Variants in ELOVL3 observed in about 807,000 individuals in gnomAD.
ELOVL3 encodes very long chain fatty acid elongase 3.
ELOVL3 carries 11 observed loss-of-function variants against 14.9 expected under a neutral mutation model. That is an observed-to-expected ratio of 0.74 (90% CI 0.46 to 1.22). The LOEUF (loss-of-function observed/expected upper bound fraction) is 1.22. Ranked by LOEUF, ELOVL3 falls within the 50% of genes most tolerant of loss-of-function variation. ELOVL3 has a pLI of 0.00. For missense variants in ELOVL3, 277 were observed against 338.9 expected (o/e 0.82, Z 1.43); for synonymous variants, 117 against 124.7 (o/e 0.94, Z 0.41).
rs2070147437 is a variant in ELOVL3, at chr10:102,227,491, G to T, written c.102-135G>T. Reference sequence around the variant, plus strand: ...AGCCAAGGCTCAGAGAATTAAGTTGGTTTTTCCAATGTCACATAGCTAGTA... The same window carrying T: ...AGCCAAGGCTCAGAGAATTAAGTTGTTTTTTCCAATGTCACATAGCTAGTA... On this transcript the variant is annotated intron_variant, in intron 1 of 3. Transcript: ENST00000370005. 2.2e-5 allele frequency: 23 copies of T among 1,022,534 alleles called. No homozygotes were observed. In the South Asian group the frequency reaches 3.4e-4, roughly 15 times the overall value. The allele number at this position is 1,022,534 out of a possible 1,614,324, so 63.3% of individuals were successfully genotyped here. A position where few individuals can be genotyped will look rare whatever the true frequency, so the allele number is the denominator to read the frequency against.
chr10:102,229,202 T>C lies in ELOVL3; in HGVS notation c.763T>C (p.Cys255Arg), dbSNP rs2133792296. The C allele has an allele frequency of 6.2e-7, 1 of 1,613,994 alleles. No homozygotes were observed. The highest frequency in any genetic ancestry group is 1.3e-5 in the African/African-American group (1 of 75,046). The part of the protein sequence containing the change: ...TYFILFAHFF[C>R]QTYIRPKVKA... Reference sequence around the variant, plus strand: ...TTTCATCCTCTTTGCCCACTTCTTCTGCCAGACCTACATCAGGCCCAAGGT... The same window carrying C: ...TTTCATCCTCTTTGCCCACTTCTTCCGCCAGACCTACATCAGGCCCAAGGT... Residue 255 changes from cysteine to arginine, a missense_variant, in exon 4 of 4, where the codon TGC (cysteine) becomes CGC (arginine). Transcript: ENST00000370005.
Position 102,227,719 on chromosome 10 carries a change from G to A in ELOVL3, c.195G>A (p.Gly65=), listed in dbSNP as rs1263020005. ...AACGCAAGGGCTTCAACCTGCAAGG[G>A]CCTCTCATCCTCTGGTCCTTCTGCC... ...MKERKGFNLQ[G]PLILWSFCLA... Residue 65 remains glycine, a synonymous_variant, in exon 2 of 4, where the codon GGG becomes GGA. Transcript: ENST00000370005. 1 of 1,613,726 alleles carries A rather than the reference G, an allele frequency of 6.2e-7. No individual in the cohort carries two copies. Among genetic ancestry groups the A allele is most frequent in the Non-Finnish European group, 8.5e-7 (1 of 1,179,896 alleles).
At chr10:102,227,502 G>A in intron 1 of ELOVL3, 124 bp from the exon 2 acceptor site, 2 of 1,134,132 alleles carry the variant, frequency 1.8e-6, no homozygotes, top group Non-Finnish European at 1.3e-6. Context: ...TTTTTCCAAT[G>A]TCACATAGCT....
rs139119395 is a variant in ELOVL3, at chr10:102,229,171, G to T, written c.732G>T (p.Met244Ile). The change falls in exon 4 of 4, where the codon ATG becomes ATT. Residue 244 changes from methionine to isoleucine, a missense_variant. Physicochemically the swap from Met to Ile is conservative, Grantham distance 10. Coordinates refer to ENST00000370005, the MANE Select transcript of ELOVL3 (RefSeq NM_152310.3). ...EHLFWSFILY[M>I]TYFILFAHFF... ...TATTCTGGTCCTTCATCTTGTATATGACCTATTTCATCCTCTTTGCCCACT... is the reference window on the plus strand; with the variant it reads ...TATTCTGGTCCTTCATCTTGTATATTACCTATTTCATCCTCTTTGCCCACT... The T allele has an allele frequency of 1.2e-6, 2 of 1,614,058 alleles. No individual in the cohort carries two copies. The highest frequency in any genetic ancestry group is 1.1e-5 in the South Asian group (1 of 91,068).
chr10:102,229,509 C>T lies in ELOVL3; in HGVS notation c.*257C>T, dbSNP rs1169721676. On this transcript the variant is annotated 3_prime_UTR_variant, in exon 4 of 4. Coordinates refer to ENST00000370005, the MANE Select transcript of ELOVL3 (RefSeq NM_152310.3). ...GATGGGAGTGGGGCGGAGGAGGGTC[C>T]TAAGAGCTGATTATTTAATTTCTAT... is the stretch of plus-strand genomic sequence containing the variant. 3 of 388,680 alleles carry T rather than the reference C, an allele frequency of 7.7e-6. No homozygotes were observed. Among genetic ancestry groups the T allele is most frequent in the Non-Finnish European group, 1.4e-5 (3 of 215,472 alleles). 24.1% of individuals were successfully genotyped at this position (388,680 alleles called of 1,614,324 possible).
Position 102,226,401 on chromosome 10 carries a change from G to A in ELOVL3, c.-148G>A. The A allele has an allele frequency of 3.3e-6, 2 of 601,474 alleles. No individual in the cohort carries two copies. The highest frequency in any genetic ancestry group is 5.9e-6 in the Non-Finnish European group (2 of 339,076). 37.3% of individuals were successfully genotyped at this position (601,474 alleles called of 1,614,324 possible). On this transcript the variant is annotated 5_prime_UTR_variant, in exon 1 of 4. The change abolishes an upstream ATG in the 5' untranslated region. Transcript: ENST00000370005. ...TAGCTGGCTGCGCCGCCGCGCACAT[G>A]CCTAGGTTCGACGCCCTCCTCCCTT...
Position 102,228,513 on chromosome 10 carries a change from T to C in ELOVL3, c.330T>C (p.Asn110=), listed in dbSNP as rs2070159571. The change falls in exon 3 of 4, where the codon AAT becomes AAC. Residue 110 remains asparagine (N), a synonymous_variant. Coordinates refer to ENST00000370005, the MANE Select transcript of ELOVL3 (RefSeq NM_152310.3). ...QTVCFINFID[N]STVKFWSWVF... ...TGTGCTTCATCAACTTCATCGATAA[T>C]TCCACAGTCAAATTCTGGTCCTGGG... is the stretch of plus-strand genomic sequence containing the variant. The C allele has an allele frequency of 6.2e-7, 1 of 1,614,026 alleles. No homozygotes were observed. The highest frequency in any genetic ancestry group is 1.3e-5 in the African/African-American group (1 of 74,898).
intron 2 of ELOVL3, among the ~76,000 whole-genome samples, 155 bp from the exon 3 acceptor site, chr10:102,228,262 T>G (rs1176026925): frequency 6.6e-6 from 1 of 152,176 alleles, no homozygotes; most frequent in Non-Finnish European, 1.5e-5. Context: ...ATCTACCAGA[T>G]TGGCTTCAGG....
chr10:102,226,662 G>C lies in ELOVL3; in HGVS notation c.101+13G>C. ...TCGAGGAGTATTGGTGAGACTTTGG[G>C]AGAGGGAAAGGCCATGCCAGGGCCC... is the stretch of plus-strand genomic sequence containing the variant. On this transcript the variant is annotated intron_variant, in intron 1 of 3. Transcript: ENST00000370005. The C allele has an allele frequency of 6.2e-7, 1 of 1,606,804 alleles. No homozygotes were observed. The highest frequency in any genetic ancestry group is 8.5e-7 in the Non-Finnish European group (1 of 1,173,660).
chr10:102,224,807 C>T (rs1363953894), upstream of ELOVL3, among the ~76,000 whole-genome samples: 1 of 151,884 alleles, frequency 6.6e-6, no homozygotes, highest in Admixed American at 6.6e-5. Context: ...GGACTACAGG[C>T]GCCTGCCACC....
In ELOVL3 at chr10:102,228,401, C is replaced by T. The variant is rs2070157696; in HGVS notation, c.234-16C>T. On this transcript the variant is annotated splice_polypyrimidine_tract_variant and intron_variant, in intron 2 of 3. Transcript: ENST00000370005. Reference sequence around the variant, plus strand: ...TGGGGATGACACTTACACCATCTTCCTTTGTCCCATTTCAGTATCCTGGGG... The same window carrying T: ...TGGGGATGACACTTACACCATCTTCTTTTGTCCCATTTCAGTATCCTGGGG... 1.2e-6 allele frequency: 2 copies of T among 1,612,496 alleles called. No homozygotes were observed. The highest frequency in any genetic ancestry group is 1.7e-6 in the Non-Finnish European group (2 of 1,179,064).
rs1349241576 is a variant in ELOVL3, at chr10:102,227,772, C to A, written c.233+15C>A. ...GCAATCTTCAGGTAAGACCCCATCC[C>A]ACTCCCTGCCTCTTCTCTAGATCTT... On this transcript the variant is annotated intron_variant, in intron 2 of 3. Transcript: ENST00000370005. 1 of 1,612,566 alleles carries A rather than the reference C, an allele frequency of 6.2e-7. No individual in the cohort carries two copies. Among genetic ancestry groups the A allele is most frequent in the Non-Finnish European group, 8.5e-7 (1 of 1,179,306 alleles).
intron 1 of ELOVL3, 54 bp downstream of exon 1, chr10:102,226,703 AG>A (rs1046529660): frequency 4.7e-6 from 6 of 1,283,470 alleles, no homozygotes; most frequent in East Asian, 2.3e-5. Context: ...CCGGGGCGCG[AG>A]GGGGTGGCAT....
chr10:102,228,505 A>G lies in ELOVL3; in HGVS notation c.322A>G (p.Ile108Val), dbSNP rs2133791136. 1 of 1,614,082 alleles carries G rather than the reference A, an allele frequency of 6.2e-7. No homozygotes were observed. The highest frequency in any genetic ancestry group is 1.1e-5 in the South Asian group (1 of 91,076). ...LKQTVCFINF[I>V]DNSTVKFWSW... Reference sequence around the variant, plus strand: ...GCAAACCGTGTGCTTCATCAACTTCATCGATAATTCCACAGTCAAATTCTG... The same window carrying G: ...GCAAACCGTGTGCTTCATCAACTTCGTCGATAATTCCACAGTCAAATTCTG... The change falls in exon 3 of 4, where the codon ATC becomes GTC. Residue 108 changes from isoleucine (I) to valine (V), a missense_variant. Physicochemically the swap from Ile to Val is conservative, Grantham distance 29. Coordinates refer to ENST00000370005, the MANE Select transcript of ELOVL3 (RefSeq NM_152310.3).
Position 102,226,374 on chromosome 10 carries a change from G to A in ELOVL3, c.-175G>A, listed in dbSNP as rs1052942924. The A allele has an allele frequency of 1.0e-5, 6 of 576,054 alleles. No homozygotes were observed. In the African/African-American group the frequency reaches 1.1e-4, roughly 11 times the overall value. The allele number at this position is 576,054 out of a possible 1,614,324, so 35.7% of individuals were successfully genotyped here. A position where few individuals can be genotyped will look rare whatever the true frequency, so the allele number is the denominator to read the frequency against. ...TATATATCGCAGTGGCTGCGCCCGG[G>A]ATAGCTGGCTGCGCCGCCGCGCACA... On this transcript the variant is annotated 5_prime_UTR_variant, in exon 1 of 4. Transcript: ENST00000370005.
chr10:102,228,951 T>C lies in ELOVL3; in HGVS notation c.512T>C (p.Val171Ala), dbSNP rs2133791831. Residue 171 changes from valine (V) to alanine (A), a missense_variant, in exon 4 of 4, where the codon GTC becomes GCC. Coordinates refer to ENST00000370005, the MANE Select transcript of ELOVL3 (RefSeq NM_152310.3). The part of the protein sequence containing the change: ...KNKVPAGGWF[V>A]TMNFGVHAIM... ...AAAGTGCCTGCAGGAGGCTGGTTCG[T>C]CACCATGAACTTTGGTGTTCATGCC... is the stretch of plus-strand genomic sequence containing the variant. The C allele has an allele frequency of 6.2e-7, 1 of 1,614,186 alleles. No individual in the cohort carries two copies. Among genetic ancestry groups the C allele is most frequent in the Non-Finnish European group, 8.5e-7 (1 of 1,180,022 alleles).
At position 102,227,668 on chromosome 10, in the gene ELOVL3, C is replaced by T. The variant is rs143448083; in HGVS notation, c.144C>T (p.Ile48=). 256 of 1,613,642 alleles carry T rather than the reference C, an allele frequency of 1.6e-4. No individual in the cohort carries two copies. The African/African-American group carries it at 2.5e-3, about 16-fold the overall frequency. The part of the protein sequence containing the change: ...FPIALIYLVL[I]AVGQNYMKER... ...TAGCCCTGATCTACCTGGTTCTCAT[C>T]GCTGTGGGGCAGAACTACATGAAGG... Residue 48 remains isoleucine, a synonymous_variant, in exon 2 of 4, where the codon ATC becomes ATT. Coordinates refer to ENST00000370005, the MANE Select transcript of ELOVL3 (RefSeq NM_152310.3).
chr10:102,227,412 G>A (rs929339377), intron 1 of ELOVL3, among the ~76,000 whole-genome samples: 2 of 152,110 alleles, frequency 1.3e-5, no homozygotes, highest in Non-Finnish European at 2.9e-5. Flanking sequence ...TAGATACTTT[G>A]TATACGTTAA....
chr10:102,229,162 C>G lies in ELOVL3; in HGVS notation c.723C>G (p.Ile241Met). ...TGGAACACTTATTCTGGTCCTTCAT[C>G]TTGTATATGACCTATTTCATCCTCT... Reference protein sequence around the residue: ...TTMEHLFWSFILYMTYFILFA... With the variant: ...TTMEHLFWSFMLYMTYFILFA... Residue 241 changes from isoleucine (I) to methionine (M), a missense_variant, in exon 4 of 4, where the codon ATC (isoleucine) becomes ATG (methionine). Ile to Met is a conservative substitution (Grantham distance 10, BLOSUM62 1). Coordinates refer to ENST00000370005, the MANE Select transcript of ELOVL3 (RefSeq NM_152310.3). 6.2e-7 allele frequency: 1 copy of G among 1,614,072 alleles called. No homozygotes were observed.
Sources: allele counts gnomAD v4.1 joint callset (sites outside exome capture counted in the v4.1 genomes callset), GRCh38; gene constraint gnomAD v4.1.1; transcripts MANE v1.5; gene names NCBI Gene and HGNC (gene_info 2026-07-23, HGNC 2026-07-21).